Variants in CSMD1 observed in about 807,000 individuals in gnomAD.
CSMD1 encodes CUB and sushi domain-containing protein 1.
Under a neutral mutation model 417.5 loss-of-function variants are expected in CSMD1, and 213 were observed. The ratio of observed to expected loss-of-function variants is 0.51; its 90% CI spans 0.46 to 0.57. The LOEUF (loss-of-function observed/expected upper bound fraction) is 0.57, where lower values mean the gene tolerates loss of function less well. Among genes scored for constraint, CSMD1 ranks in the 20% least tolerant of loss-of-function variants. The pLI is 0.00. For missense variants in CSMD1, 6,923 were observed against 4,529.7 expected (o/e 1.53, Z -15.17); for synonymous variants, 2,862 against 1,736.8 (o/e 1.65, Z -16.11).
At chr8:3,033,080 A>G (rs181713177) in intron 50 of CSMD1, among the ~76,000 whole-genome samples, 398 of 151,774 alleles carry the variant, frequency 2.6e-3, no homozygotes, top group African/African-American at 9.1e-3. Flanking sequence ...TCTTCCAACT[A>G]TTAATTCTAG....
intron 10 of CSMD1, among the ~76,000 whole-genome samples, chr8:3,496,464 T>A (rs930698131): frequency 6.6e-6 from 1 of 152,224 alleles, no homozygotes; most frequent in African/African-American, 2.4e-5. Context: ...AGTGTTTATT[T>A]GAAATCTTTC....
At chr8:4,727,534 T>C (rs1809539388) in intron 1 of CSMD1, among the ~76,000 whole-genome samples, 1 of 152,190 alleles carries the variant, frequency 6.6e-6, no homozygotes, top group Non-Finnish European at 1.5e-5. Context: ...TGGGTGTGTT[T>C]TGCAAAGAAA....
chr8:3,434,620 A>C (rs979433777), intron 12 of CSMD1, among the ~76,000 whole-genome samples: 1 of 152,200 alleles, frequency 6.6e-6, no homozygotes, highest in South Asian at 2.1e-4. Flanking sequence ...AATCCCATTT[A>C]TTAGTGTTAA....
chr8:3,154,224 C>T (rs867311998), intron 39 of CSMD1, among the ~76,000 whole-genome samples: 9 of 152,200 alleles, frequency 5.9e-5, no homozygotes, highest in Admixed American at 1.3e-4. Context: ...CCACCTGCCT[C>T]GGCCTCCCGA....
intron 3 of CSMD1, among the ~76,000 whole-genome samples, chr8:4,143,524 G>C (rs1015274329): frequency 2.0e-5 from 3 of 150,892 alleles, no homozygotes; most frequent in Non-Finnish European, 4.4e-5. Context: ...TTGATATTAA[G>C]TTTATATCAA....
At chr8:4,539,080 T>C (rs1260833073) in intron 2 of CSMD1, among the ~76,000 whole-genome samples, 1 of 152,222 alleles carries the variant, frequency 6.6e-6, no homozygotes, top group South Asian at 2.1e-4. Flanking sequence ...CTTTTGTTTT[T>C]CTTTTTAGAA....
chr8:3,450,727 G>C (rs1274928946), intron 12 of CSMD1, among the ~76,000 whole-genome samples: 1 of 151,968 alleles, frequency 6.6e-6, no homozygotes, highest in Non-Finnish European at 1.5e-5. Context: ...TTGGACATTT[G>C]GGTTGGTTCC....
At chr8:4,014,952 C>T (rs769717675) in intron 4 of CSMD1, among the ~76,000 whole-genome samples, 15 of 152,274 alleles carry the variant, frequency 9.9e-5, no homozygotes, top group Non-Finnish European at 1.8e-4. Flanking sequence ...GATGAGATAA[C>T]GTGAATGACG....
At chr8:4,441,456 G>A (rs1251650253) in intron 2 of CSMD1, among the ~76,000 whole-genome samples, 1 of 151,726 alleles carries the variant, frequency 6.6e-6, no homozygotes, top group Non-Finnish European at 1.5e-5. Context: ...TGAAATCAGT[G>A]TTGAATGTTT....
At chr8:4,764,376 G>C (rs1178598609) in intron 1 of CSMD1, among the ~76,000 whole-genome samples, 5 of 152,146 alleles carry the variant, frequency 3.3e-5, no homozygotes, top group Non-Finnish European at 7.3e-5. Flanking sequence ...GCAATCATGA[G>C]ATTAATAATT....
intron 37 of CSMD1, among the ~76,000 whole-genome samples, chr8:3,174,499 CA>C (rs1820785981): frequency 6.6e-6 from 1 of 152,052 alleles, no homozygotes; most frequent in Non-Finnish European, 1.5e-5. Context: ...TCTCAAAAAA[CA>C]AACAATAAAC....
intron 3 of CSMD1, among the ~76,000 whole-genome samples, chr8:4,057,693 C>G (rs1798768179): frequency 6.6e-6 from 1 of 151,682 alleles, no homozygotes; most frequent in Non-Finnish European, 1.5e-5. Flanking sequence ...TTTAATCTAT[C>G]TTGAATTGAT....
chr8:3,475,492 A>G (rs1817355044), intron 11 of CSMD1, among the ~76,000 whole-genome samples: 1 of 152,230 alleles, frequency 6.6e-6, no homozygotes, highest in Non-Finnish European at 1.5e-5. Context: ...AGGGCTTAAC[A>G]TTTGGAGTTC....
At chr8:4,209,025 A>G (rs1038745224) in intron 3 of CSMD1, among the ~76,000 whole-genome samples, 1 of 152,048 alleles carries the variant, frequency 6.6e-6, no homozygotes. Flanking sequence ...AATGAATCCA[A>G]TTGTATTCTC....
At chr8:3,562,575 T>A (rs1168534026) in intron 10 of CSMD1, among the ~76,000 whole-genome samples, 1 of 152,190 alleles carries the variant, frequency 6.6e-6, no homozygotes, top group African/African-American at 2.4e-5. Flanking sequence ...TCTCCCTTAA[T>A]ATGCTTATTT....
At chr8:4,075,396 A>C (rs1799769743) in intron 3 of CSMD1, among the ~76,000 whole-genome samples, 1 of 152,214 alleles carries the variant, frequency 6.6e-6, no homozygotes, top group South Asian at 2.1e-4. Flanking sequence ...GAAAAAACTC[A>C]AATGTTATTT....
chr8:4,994,264 A>T, intron 1 of CSMD1, 68 bp downstream of exon 1: 1 of 1,447,440 alleles, frequency 6.9e-7, no homozygotes, highest in Non-Finnish European at 9.5e-7. Context: ...CAAAACGCAC[A>T]CTCGCGTCCG....
chr8:3,289,125 C>T (rs1371563149), intron 25 of CSMD1, among the ~76,000 whole-genome samples: 2 of 146,644 alleles, frequency 1.4e-5, no homozygotes, highest in South Asian at 2.1e-4. Context: ...TGGTTTCCAG[C>T]TTCATCCATG....
At chr8:4,258,246 C>A (rs919390792) in intron 3 of CSMD1, among the ~76,000 whole-genome samples, 3 of 145,668 alleles carry the variant, frequency 2.1e-5, no homozygotes, top group African/African-American at 7.8e-5. Flanking sequence ...CACCCTACCC[C>A]TTCCTATCTT....
Sources: gnomAD v4.1 joint callset for allele counts (sites outside exome capture counted in the v4.1 genomes callset) on GRCh38, gnomAD v4.1.1 for gene constraint, MANE v1.5 for transcripts, NCBI Gene and HGNC (gene_info 2026-07-23, HGNC 2026-07-21) for gene names.